FBXO21: variants seen among roughly 807,000 people sequenced by gnomAD.
FBXO21 encodes the protein F-box protein 21, also known as F-box only protein 21.
A neutral mutation model predicts 76.6 loss-of-function variants in FBXO21; 32 were observed. That is an observed-to-expected ratio of 0.42 (90% confidence interval 0.32 to 0.56). The LOEUF is 0.56. Ranked by LOEUF, FBXO21 falls within the 20% of genes least tolerant of loss-of-function variation. The pLI, the probability that FBXO21 is intolerant of heterozygous loss-of-function variation, is 0.16. For synonymous variants in FBXO21, 328 were observed against 311.5 expected, an observed-to-expected ratio of 1.05 and a Z score of -0.56; for missense variants, 586 against 797.3, an observed-to-expected ratio of 0.73 and a Z score of 3.19.
At position 117,189,380 on chromosome 12, in the gene FBXO21, C is replaced by A. The variant is rs748074618; in HGVS notation, c.240-18G>T. Reference sequence around the variant, plus strand: ...AAGGCCACCTACGAGGAGAGAAACACCCCCTCAGCTTAACAGAAACTCAAA... The same window carrying A: ...AAGGCCACCTACGAGGAGAGAAACAACCCCTCAGCTTAACAGAAACTCAAA... On this transcript the variant is annotated intron_variant, in intron 1 of 11. Coordinates refer to ENST00000622495, the MANE Select transcript of FBXO21 (RefSeq NM_015002.3). 3.7e-6 allele frequency: 6 copies of A among 1,613,948 alleles called. No homozygotes were observed. In the Admixed American group the frequency reaches 6.7e-5, roughly 18 times the overall value.
rs1478680292 is a variant in FBXO21 at position 117,144,803 on chromosome 12, A to G, written c.*1284T>C. On this transcript the variant is annotated 3_prime_UTR_variant, in exon 12 of 12. Coordinates refer to ENST00000622495, the MANE Select transcript of FBXO21 (RefSeq NM_015002.3). ...GCAGTTACTCTGGGCTCAGTTACTG[A>G]GAACTTCGGAAAGGAGCCAGTGCCG... 1 of 152,206 alleles carries G rather than the reference A, an allele frequency of 6.6e-6. No individual in the cohort carries two copies. Among genetic ancestry groups the G allele is most frequent in the Non-Finnish European group, 1.5e-5 (1 of 68,040 alleles). The allele number at this position is 152,206 out of a possible 1,614,324, so 9.4% of individuals were successfully genotyped here.
At chr12:117,185,331 T>C (rs11068393) in intron 3 of FBXO21, among the ~76,000 whole-genome samples, 27,550 of 152,174 alleles carry the variant, frequency 0.18, 3,171 homozygotes, top group Admixed American at 0.34. Context: ...GTTCCACTGA[T>C]AGATATTTCT....
chr12:117,153,906 A>G (rs1183697069), intron 11 of FBXO21, among the ~76,000 whole-genome samples: 1 of 152,228 alleles, frequency 6.6e-6, no homozygotes, highest in African/African-American at 2.4e-5. Context: ...CTTACATTGC[A>G]TGTTTACCTA....
chr12:117,174,548 C>T (rs1293593055), intron 5 of FBXO21, 103 bp downstream of exon 5: 2 of 1,405,054 alleles, frequency 1.4e-6, no homozygotes, highest in Admixed American at 2.1e-5. Context: ...CATTTTATCA[C>T]TTTTTCATGA....
rs541732241 is a variant in FBXO21, at chr12:117,168,427, G to C, written c.1014-1350C>G. 9.9e-5 allele frequency among the ~76,000 whole-genome samples: 15 copies of C among 152,204 alleles called. No homozygotes were observed. In the South Asian group the frequency reaches 3.1e-3, roughly 32 times the overall value. On this transcript the variant is annotated intron_variant, in intron 7 of 11. Coordinates refer to ENST00000622495, the MANE Select transcript of FBXO21 (RefSeq NM_015002.3). The stretch of plus-strand genomic sequence containing the variant: ...AAATCCCAGCTACTCGGGAGGCTGA[G>C]GCAGGAGAATCACTTGAACCCAGGA...
chr12:117,162,690 T>A lies in FBXO21; in HGVS notation c.1326+2795A>T, dbSNP rs78218412. Among the ~76,000 whole-genome samples, 1,466 of 152,292 alleles carry A rather than the reference T, an allele frequency of 9.6e-3. 25 individuals carry two copies. Among genetic ancestry groups the A allele is most frequent in the African/African-American group, 0.03 (1,262 of 41,546 alleles). ...TTCAGGCCTTCCCAGCTCAGGAATG[T>A]CTCCCTTTCACTTGATAAACTCAAA... On this transcript the variant is annotated intron_variant, in intron 9 of 11. Transcript: ENST00000622495.
chr12:117,172,553 T>C lies in FBXO21; in HGVS notation c.931A>G (p.Ile311Val). The change falls in exon 7 of 12, where the codon ATT (isoleucine) becomes GTT (valine). Residue 311 changes from isoleucine to valine, a missense_variant. Physicochemically the swap from Ile to Val is conservative, Grantham distance 29 (BLOSUM62 3). Transcript: ENST00000622495. ...AGTGGGACTCCCAACTGCCGAGCAA[T>C]TGTCAAATAGAGCAGAGACATGCTG... ...PISMSLLYLT[I>V]ARQLGVPLEP... 2 of 1,614,150 alleles carry C rather than the reference T, an allele frequency of 1.2e-6. No homozygotes were observed. Among genetic ancestry groups the C allele is most frequent in the Non-Finnish European group, 1.7e-6 (2 of 1,179,996 alleles).
intron 9 of FBXO21, among the ~76,000 whole-genome samples, chr12:117,164,972 AG>A (rs1221148772): frequency 6.6e-6 from 1 of 152,242 alleles, no homozygotes; most frequent in African/African-American, 2.4e-5. Context: ...TGCTGCCCAA[AG>A]GGGGCCATTA....
chr12:117,157,339 A>T (rs1402007585), intron 10 of FBXO21, among the ~76,000 whole-genome samples: 1 of 152,250 alleles, frequency 6.6e-6, no homozygotes, highest in East Asian at 1.9e-4. Context: ...ACAGTGAAAC[A>T]CTATTTGCCC....
At chr12:117,177,804 A>G (rs373214195) in intron 3 of FBXO21, among the ~76,000 whole-genome samples, 163 bp from the exon 4 acceptor site, 1 of 152,248 alleles carries the variant, frequency 6.6e-6, no homozygotes, top group African/African-American at 2.4e-5. Flanking sequence ...ATTGTAATAT[A>G]ATACTAAATT....
At position 117,166,918 on chromosome 12, in the gene FBXO21, GT is replaced by G; in HGVS notation, c.1172del (p.Asn391ThrfsTer3). On this transcript the variant is annotated frameshift_variant, in exon 8 of 12. Transcript: ENST00000622495. LOFTEE classifies it high-confidence loss of function. ...CTTACCGCTTCCCCAGGCTTAACAG[GT>G]TTCCCACCATTCTCTGTAACACCTT... is the stretch of plus-strand genomic sequence containing the variant. ...VKKVLQRMVG[N>X]LLSLGKREGI... 6.2e-7 allele frequency: 1 copy of G among 1,614,126 alleles called. No homozygotes were observed. The highest frequency in any genetic ancestry group is 8.5e-7 in the Non-Finnish European group (1 of 1,180,014).
intron 2 of FBXO21, 121 bp downstream of exon 2, chr12:117,189,106 G>C: frequency 5.4e-6 from 6 of 1,103,224 alleles, no homozygotes; most frequent in Non-Finnish European, 8.1e-6. Context: ...ATCTAAGTGA[G>C]TAAGGGATTG....
intron 3 of FBXO21, among the ~76,000 whole-genome samples, chr12:117,185,502 A>C (rs1202498444): frequency 6.6e-6 from 1 of 152,260 alleles, no homozygotes. Context: ...TTTCCACAGG[A>C]AAGTTAGGCT....
In FBXO21 at chr12:117,147,879, G is replaced by A. The variant is rs186034483; in HGVS notation, c.1676-1602C>T. On this transcript the variant is annotated intron_variant, in intron 11 of 11. Coordinates refer to ENST00000622495, the MANE Select transcript of FBXO21 (RefSeq NM_015002.3). Reference sequence around the variant, plus strand: ...TGTGTCCCCAGGGCACCCCAGTTCCGATCACTCTGAAGCCATCCTTGGCAC... The same window carrying A: ...TGTGTCCCCAGGGCACCCCAGTTCCAATCACTCTGAAGCCATCCTTGGCAC... Among the ~76,000 whole-genome samples the A allele has an allele frequency of 7.2e-5, 11 of 152,304 alleles. No homozygotes were observed. The East Asian group carries it at 2.1e-3, about 29-fold the overall frequency.
At position 117,186,576 on chromosome 12, in the gene FBXO21, G is replaced by C. The variant is rs745703476; in HGVS notation, c.376-5C>G. Reference sequence around the variant, plus strand: ...ACTGAAGCCATTACAAGGAACCTATGAAGAAGACATATACAAGTAGGCCTC... The same window carrying C: ...ACTGAAGCCATTACAAGGAACCTATCAAGAAGACATATACAAGTAGGCCTC... On this transcript the variant is annotated splice_region_variant and splice_polypyrimidine_tract_variant and intron_variant, in intron 2 of 11. Transcript: ENST00000622495. The C allele has an allele frequency of 6.3e-7, 1 of 1,593,120 alleles. No homozygotes were observed. The highest frequency in any genetic ancestry group is 8.6e-7 in the Non-Finnish European group (1 of 1,165,596).
chr12:117,164,274 C>CTTTTTTT (rs538169408), intron 9 of FBXO21, among the ~76,000 whole-genome samples: 6 of 126,836 alleles, frequency 4.7e-5, no homozygotes, highest in Non-Finnish European at 6.6e-5. Context: ...CTTTTCTTTT[C>CTTTTTTT]TTTTTTTTTT....
At chr12:117,186,286 TG>T (rs1455727383) in intron 3 of FBXO21, among the ~76,000 whole-genome samples, 190 bp downstream of exon 3, 1 of 152,252 alleles carries the variant, frequency 6.6e-6, no homozygotes, top group Non-Finnish European at 1.5e-5. Context: ...AAAGGATTTT[TG>T]TAAGGTTTCT....
At position 117,146,049 on chromosome 12, in the gene FBXO21, T is replaced by TAGC; in HGVS notation, c.*35_*37dup. On this transcript the variant is annotated 3_prime_UTR_variant, in exon 12 of 12. Coordinates refer to ENST00000622495, the MANE Select transcript of FBXO21 (RefSeq NM_015002.3). ...TCCGGAGTCCCGTTCTCTTGGAAGA[T>TAGC]AGCAGCAGCAGCAAAGGTGCAATGT... 2 of 1,494,790 alleles carry TAGC rather than the reference T, an allele frequency of 1.3e-6. No homozygotes were observed. Among genetic ancestry groups the TAGC allele is most frequent in the South Asian group, 1.4e-5 (1 of 73,812 alleles). 92.6% of individuals were successfully genotyped at this position (1,494,790 alleles called of 1,614,324 possible).
intron 11 of FBXO21, among the ~76,000 whole-genome samples, chr12:117,151,999 T>C (rs1238215752): frequency 3.3e-5 from 5 of 151,496 alleles, no homozygotes; most frequent in Non-Finnish European, 7.4e-5. Context: ...CCAAACTCAG[T>C]ATCACTCACA....
Sources: allele counts gnomAD v4.1 joint callset (sites outside exome capture counted in the v4.1 genomes callset), GRCh38; gene constraint gnomAD v4.1.1; transcripts MANE v1.5; gene names NCBI Gene and HGNC (gene_info 2026-07-23, HGNC 2026-07-21).